Variants in MYO9A observed in about 807,000 individuals in gnomAD.
MYO9A encodes the protein unconventional myosin-IXa.
Under a neutral mutation model 293.3 loss-of-function variants are expected in MYO9A, and 103 were observed. The observed-to-expected ratio is 0.35, with a 90% confidence interval of 0.30 to 0.41. The LOEUF is 0.41. Ranked by LOEUF, MYO9A falls within the 10% of genes least tolerant of loss-of-function variation. MYO9A has a pLI of 1.00. For synonymous variants in MYO9A, 1,001 were observed against 1,035.7 expected, an observed-to-expected ratio of 0.97 and a Z score of 0.64; for missense variants, 2,685 against 3,033.0, an observed-to-expected ratio of 0.89 and a Z score of 2.69.
chr15:72,102,880 CAA>C lies in MYO9A; in HGVS notation c.-72+14798_-72+14799del, dbSNP rs926869275. 4.0e-5 allele frequency among the ~76,000 whole-genome samples: 6 copies of C among 151,868 alleles called. 1 individual carries two copies. In the Middle Eastern group the frequency reaches 0.01, roughly 258 times the overall value. On this transcript the variant is annotated intron_variant, in intron 1 of 41. Transcript: ENST00000356056. ...AAATAAAAGGTATAAGGATTAGAAA[CAA>C]GAGACAAAATTGTCATTATTTGCAT... is the stretch of plus-strand genomic sequence containing the variant.
intron 27 of MYO9A, among the ~76,000 whole-genome samples, chr15:71,886,194 T>TAA (rs34921688): frequency 1.4e-3 from 184 of 127,174 alleles, no homozygotes; most frequent in African/African-American, 4.8e-3. Context: ...TAAAGTAGGG[T>TAA]AAAAAAAAAA....
chr15:71,931,008 T>A (rs2058460206), intron 18 of MYO9A, among the ~76,000 whole-genome samples: 2 of 152,214 alleles, frequency 1.3e-5, no homozygotes, highest in Non-Finnish European at 2.9e-5. Flanking sequence ...ACATTTTATA[T>A]CTTTTTATAA....
At chr15:71,857,687 T>G (rs540231844) in intron 34 of MYO9A, among the ~76,000 whole-genome samples, 1 of 134,340 alleles carries the variant, frequency 7.4e-6, no homozygotes, top group East Asian at 2.0e-4. Context: ...GTATCGACAG[T>G]TTTTTTTTTT....
rs1332115712 is a variant in MYO9A at position 72,096,442 on chromosome 15, A to T, written c.-72+21238T>A. 2.0e-5 allele frequency among the ~76,000 whole-genome samples: 3 copies of T among 152,210 alleles called. No homozygotes were observed. In the East Asian group the frequency reaches 5.8e-4, roughly 29 times the overall value. ...CATCTGTTGACAGTAAGGTTTACTG[A>T]ATGTTTTAAGCCCACCGTTGAGACC... On this transcript the variant is annotated intron_variant, in intron 1 of 41. Coordinates refer to ENST00000356056, the MANE Select transcript of MYO9A (RefSeq NM_006901.4).
rs1193451531 is a variant in MYO9A at position 71,880,435 on chromosome 15, C to G, written c.5522G>C (p.Ser1841Thr). 6.2e-7 allele frequency: 1 copy of G among 1,614,114 alleles called. No individual in the cohort carries two copies. The highest frequency in any genetic ancestry group is 2.2e-5 in the East Asian group (1 of 44,888). The part of the protein sequence containing the change: ...KAKRKRSVKI[S>T]NVALDSMHWQ... ...ATGCATAGAATCCAAAGCCACGTTG[C>G]TAATCTTCACACTTCGCTTGCGCTT... The change falls in exon 29 of 42, where the codon AGC becomes ACC. Residue 1841 changes from serine (S) to threonine (T), a missense_variant. Transcript: ENST00000356056.
At chr15:71,966,153 A>G (rs761750697) in intron 13 of MYO9A, among the ~76,000 whole-genome samples, 100 of 152,282 alleles carry the variant, frequency 6.6e-4, no homozygotes, top group Admixed American at 1.3e-3. Flanking sequence ...CTGGGATTAC[A>G]GGCGTGAGCC....
In MYO9A at chr15:71,901,202, C is replaced by T. The variant is rs567949616; in HGVS notation, c.3139G>A (p.Val1047Ile). Residue 1047 changes from valine to isoleucine, a missense_variant, in exon 23 of 42, where the codon GTT becomes ATT. Val to Ile is a conservative substitution (Grantham distance 29). Transcript: ENST00000356056. Reference sequence around the variant, plus strand: ...CCTTTGCTTCTCACCTGGATAATAACAGATGCTTGTCTCAGATGGAGGAAA... The same window carrying T: ...CCTTTGCTTCTCACCTGGATAATAATAGATGCTTGTCTCAGATGGAGGAAA... ...QHFLHLRQAS[V>I]IIQRFWRNYL... 1.7e-5 allele frequency: 28 copies of T among 1,611,862 alleles called. No homozygotes were observed. The South Asian group carries it at 2.3e-4, about 13-fold the overall frequency.
intron 39 of MYO9A, among the ~76,000 whole-genome samples, chr15:71,848,307 T>C (rs2055480063): frequency 6.6e-6 from 1 of 151,894 alleles, no homozygotes; most frequent in South Asian, 2.1e-4. Flanking sequence ...AGGAAATAAA[T>C]TATCGGTTTT....
chr15:71,862,427 G>A, intron 33 of MYO9A, 73 bp downstream of exon 33: 3 of 1,160,498 alleles, frequency 2.6e-6, no homozygotes, highest in Non-Finnish European at 3.9e-6. Context: ...TATGTTAAAG[G>A]AGATATAAGA....
intron 6 of MYO9A, among the ~76,000 whole-genome samples, chr15:72,016,547 T>C (rs2077344868): frequency 6.6e-6 from 1 of 152,234 alleles, no homozygotes; most frequent in Non-Finnish European, 1.5e-5. Flanking sequence ...CAATCCTCTC[T>C]ACCTATGATG....
intron 38 of MYO9A, 74 bp downstream of exon 38, chr15:71,849,962 T>TATGAACCCA: frequency 7.7e-6 from 12 of 1,548,450 alleles, no homozygotes; most frequent in African/African-American, 1.4e-5. Flanking sequence ...TTCACTATGT[T>TATGAACCCA]TGATATCTGG....
intron 12 of MYO9A, among the ~76,000 whole-genome samples, chr15:71,975,572 A>C (rs909043208): frequency 2.6e-5 from 4 of 152,124 alleles, no homozygotes; most frequent in African/African-American, 9.7e-5. Context: ...AGCAAGCCTC[A>C]GGAAACAGAA....
intron 13 of MYO9A, among the ~76,000 whole-genome samples, chr15:71,964,795 AAAC>A (rs2075831564): frequency 6.6e-6 from 1 of 151,810 alleles, no homozygotes; most frequent in South Asian, 2.1e-4. Context: ...CAAAAAACAA[AAAC>A]AAAAAAATTA....
At chr15:72,077,180 A>G (rs1037512208) in intron 1 of MYO9A, among the ~76,000 whole-genome samples, 1 of 152,200 alleles carries the variant, frequency 6.6e-6, no homozygotes, top group Non-Finnish European at 1.5e-5. Flanking sequence ...TGATGACAGT[A>G]TAAGAGAAAA....
rs201715062 is a variant in MYO9A at position 72,102,496 on chromosome 15, AT to A, written c.-72+15183del. ...AGAATTATCAATAAAAAATAAATAA[AT>A]TTAAAAAAAAAAAAAAAAAGAAATA... On this transcript the variant is annotated intron_variant, in intron 1 of 41. Coordinates refer to ENST00000356056, the MANE Select transcript of MYO9A (RefSeq NM_006901.4). Among the ~76,000 whole-genome samples, 335 of 145,060 alleles carry A rather than the reference AT, an allele frequency of 2.3e-3. 1 individual carries two copies. Among genetic ancestry groups the A allele is most frequent in the African/African-American group, 5.1e-3 (203 of 39,528 alleles).
chr15:71,982,362 T>C (rs1255694988), intron 11 of MYO9A, among the ~76,000 whole-genome samples: 2 of 152,136 alleles, frequency 1.3e-5, no homozygotes. Flanking sequence ...ATTTTTCAGT[T>C]ATTTTTTAGT....
intron 1 of MYO9A, among the ~76,000 whole-genome samples, chr15:72,067,954 G>A (rs920327011): frequency 6.6e-6 from 1 of 152,016 alleles, no homozygotes; most frequent in African/African-American, 2.4e-5. Flanking sequence ...TTACTCATAA[G>A]AACAACACAA....
chr15:72,016,871 TGTA>T (rs2077355822), intron 6 of MYO9A, among the ~76,000 whole-genome samples: 1 of 152,146 alleles, frequency 6.6e-6, no homozygotes, highest in Non-Finnish European at 1.5e-5. Context: ...CTAAGGATTA[TGTA>T]CTCTATCAAG....
In MYO9A at chr15:72,098,586, A is replaced by G. The variant is rs541649267; in HGVS notation, c.-72+19094T>C. 5.3e-5 allele frequency among the ~76,000 whole-genome samples: 8 copies of G among 152,316 alleles called. No individual in the cohort carries two copies. In the South Asian group the frequency reaches 1.7e-3, roughly 32 times the overall value. On this transcript the variant is annotated intron_variant, in intron 1 of 41. Transcript: ENST00000356056. The stretch of plus-strand genomic sequence containing the variant: ...TTCATGGGAAAATGTATAACCCTAA[A>G]TAAGTATAATAGGAAAAAAAATTAG...
Sources: allele counts gnomAD v4.1 joint callset (sites outside exome capture counted in the v4.1 genomes callset), GRCh38; gene constraint gnomAD v4.1.1; transcripts MANE v1.5; gene names NCBI Gene and HGNC (gene_info 2026-07-23, HGNC 2026-07-21).